Variants in RAB14 observed in about 807,000 individuals in gnomAD.
RAB14 encodes ras-related protein Rab-14.
RAB14 carries 3 observed loss-of-function variants against 31.1 expected under a neutral mutation model. The ratio of observed to expected loss-of-function variants is 0.10; its 90% CI spans 0.04 to 0.25. The LOEUF (loss-of-function observed/expected upper bound fraction) is 0.25, where lower values mean the gene tolerates loss of function less well. RAB14 is among the 10% of genes least tolerant of loss of function. The pLI is 1.00. For missense variants in RAB14, 111 were observed against 260.1 expected (o/e 0.43, Z 3.94); for synonymous variants, 85 against 84.9 (o/e 1.00, Z 0.00).
rs1328695680 is a variant in RAB14 at position 121,183,339 on chromosome 9, T to G, written c.411A>C (p.Glu137Asp). The G allele has an allele frequency of 6.2e-7, 1 of 1,610,968 alleles. No homozygotes were observed. Among genetic ancestry groups the G allele is most frequent in the African/African-American group, 1.3e-5 (1 of 74,870 alleles). ...TTTCTTCAGCAAACTGTTTGGCTTCTTCATATGTAACATCTCTCTGTGCCT... is the reference window on the plus strand; with the variant it reads ...TTTCTTCAGCAAACTGTTTGGCTTCGTCATATGTAACATCTCTCTGTGCCT... ...DLEAQRDVTY[E>D]EAKQFAEENG... The change falls in exon 6 of 8, where the codon GAA becomes GAC. Residue 137 changes from glutamate to aspartate, a missense_variant. Coordinates refer to ENST00000373840, the MANE Select transcript of RAB14 (RefSeq NM_016322.4).
At position 121,183,314 on chromosome 9, in the gene RAB14, T is replaced by C; in HGVS notation, c.436A>G (p.Asn146Asp). The part of the protein sequence containing the change: ...YEEAKQFAEE[N>D]GLLFLEASAK... ...ATTAAGTCTTAAAGAAACTCACCAT[T>C]TTCTTCAGCAAACTGTTTGGCTTCT... Residue 146 changes from asparagine (N) to aspartate (D), a missense_variant, in exon 6 of 8, where the codon AAT becomes GAT. By Grantham distance (23) the Asn-to-Asp change is conservative. Transcript: ENST00000373840. 6.2e-7 allele frequency: 1 copy of C among 1,605,614 alleles called. No individual in the cohort carries two copies. The highest frequency in any genetic ancestry group is 8.5e-7 in the Non-Finnish European group (1 of 1,173,458).
intron 1 of RAB14, 91 bp from the exon 2 acceptor site, chr9:121,193,510 A>G (rs894776789): frequency 7.4e-5 from 59 of 796,820 alleles, no homozygotes; most frequent in Non-Finnish European, 1.2e-4. Context: ...GTAGAAAAGG[A>G]CACTGAATAC....
chr9:121,190,859 C>A, intron 3 of RAB14, 128 bp from the exon 4 acceptor site: 2 of 850,928 alleles, frequency 2.4e-6, no homozygotes, highest in Middle Eastern at 3.3e-4. Context: ...ACTAAAGCTA[C>A]CGCTAAAAAA....
intron 7 of RAB14, 104 bp downstream of exon 7, chr9:121,182,826 A>G (rs138399294): frequency 1.3e-6 from 1 of 778,782 alleles, no homozygotes; most frequent in East Asian, 3.1e-5. Context: ...ACATTTATAG[A>G]TAGTACTTTA....
intron 7 of RAB14, 113 bp from the exon 8 acceptor site, chr9:121,181,686 G>C (rs879332698): frequency 9.3e-6 from 6 of 646,504 alleles, no homozygotes; most frequent in Non-Finnish European, 1.5e-5. Context: ...CTTAACCACT[G>C]TCATCTAATA....
chr9:121,181,217 C>A lies in RAB14; in HGVS notation c.*179G>T. The A allele has an allele frequency of 1.8e-6, 1 of 560,644 alleles. No individual in the cohort carries two copies. The highest frequency in any genetic ancestry group is 2.8e-6 in the Non-Finnish European group (1 of 355,146). The allele number at this position is 560,644 out of a possible 1,614,324, so 34.7% of individuals were successfully genotyped here. A position where few individuals can be genotyped will look rare whatever the true frequency, so the allele number is the denominator to read the frequency against. Reference sequence around the variant, plus strand: ...TATTACTCTACTTGCCTTTGATAACCTGATTACATCTAGTTGTTTAGCAGT... The same window carrying A: ...TATTACTCTACTTGCCTTTGATAACATGATTACATCTAGTTGTTTAGCAGT... On this transcript the variant is annotated 3_prime_UTR_variant, in exon 8 of 8. Coordinates refer to ENST00000373840, the MANE Select transcript of RAB14 (RefSeq NM_016322.4).
intron 2 of RAB14, among the ~76,000 whole-genome samples, chr9:121,192,652 G>A (rs181964871): frequency 5.1e-4 from 78 of 152,088 alleles, no homozygotes; most frequent in South Asian, 2.3e-3. Flanking sequence ...TGATTCACTA[G>A]GTCCCTGTCT....
At chr9:121,184,527 T>C (rs1588367319) in intron 5 of RAB14, among the ~76,000 whole-genome samples, 1 of 152,192 alleles carries the variant, frequency 6.6e-6, no homozygotes, top group Non-Finnish European at 1.5e-5. Context: ...CAAACAGATA[T>C]GGTAATCTAG....
chr9:121,179,734 TTTAACA>T lies in RAB14; in HGVS notation c.*1656_*1661del, dbSNP rs1255643538. 4.6e-5 allele frequency: 7 copies of T among 152,680 alleles called. No homozygotes were observed. The highest frequency in any genetic ancestry group is 4.6e-4 in the Admixed American group (7 of 15,286). 9.5% of individuals were successfully genotyped at this position (152,680 alleles called of 1,614,324 possible). ...CTGCACATTCCAGTTTTGGCTTTTA[TTTAACA>T]TTGACTATACAATACTCTGGTACTA... On this transcript the variant is annotated 3_prime_UTR_variant, in exon 8 of 8. Transcript: ENST00000373840.
At position 121,178,283 on chromosome 9, in the gene RAB14, CTT is replaced by C. The variant is rs2053608519; in HGVS notation, c.*3111_*3112del. 1 of 152,150 alleles carries C rather than the reference CTT, an allele frequency of 6.6e-6. No individual in the cohort carries two copies. The highest frequency in any genetic ancestry group is 6.5e-5 in the Admixed American group (1 of 15,274). The allele number at this position is 152,150 out of a possible 1,614,324, so 9.4% of individuals were successfully genotyped here. A position where few individuals can be genotyped will look rare whatever the true frequency, so the allele number is the denominator to read the frequency against. ...CTAGAAGGCATCTTTCAAAACAAAA[CTT>C]GATTTCTTTTGTATTTACATTTTTT... On this transcript the variant is annotated 3_prime_UTR_variant, in exon 8 of 8. Transcript: ENST00000373840.
At chr9:121,199,122 A>G (rs1171884289) in intron 1 of RAB14, among the ~76,000 whole-genome samples, 1 of 152,170 alleles carries the variant, frequency 6.6e-6, no homozygotes. Flanking sequence ...AACAACCAAA[A>G]AGCCAAAAAA....
chr9:121,190,191 C>T (rs148365747), intron 4 of RAB14, among the ~76,000 whole-genome samples: 2 of 152,212 alleles, frequency 1.3e-5, no homozygotes, highest in East Asian at 3.9e-4. Flanking sequence ...TAAACTTTAA[C>T]ACTAGAGACT....
Position 121,179,094 on chromosome 9 carries a change from G to A in RAB14, c.*2302C>T, listed in dbSNP as rs1047757699. 6.6e-6 allele frequency: 1 copy of A among 152,206 alleles called. No homozygotes were observed. Among genetic ancestry groups the A allele is most frequent in the Admixed American group, 6.5e-5 (1 of 15,276 alleles). The allele number at this position is 152,206 out of a possible 1,614,324, so 9.4% of individuals were successfully genotyped here. ...GATCTTACACTGAAAAGGGTTGACTGAAAACATTTCAAGGGTAATGTAAAC... is the reference window on the plus strand; with the variant it reads ...GATCTTACACTGAAAAGGGTTGACTAAAAACATTTCAAGGGTAATGTAAAC... On this transcript the variant is annotated 3_prime_UTR_variant, in exon 8 of 8. Transcript: ENST00000373840.
chr9:121,181,861 C>T (rs939740951), intron 7 of RAB14, among the ~76,000 whole-genome samples: 3 of 148,108 alleles, frequency 2.0e-5, no homozygotes, highest in African/African-American at 7.4e-5. Context: ...GATTCTCCTG[C>T]TTCAGCCTCC....
Position 121,178,235 on chromosome 9 carries a change from A to G in RAB14, c.*3161T>C, listed in dbSNP as rs1378883177. ...TTACAATAAAGACAATGAAAGTGAC[A>G]ATTTATTAATACACAGTAAGTTCTA... On this transcript the variant is annotated 3_prime_UTR_variant, in exon 8 of 8. Coordinates refer to ENST00000373840, the MANE Select transcript of RAB14 (RefSeq NM_016322.4). 1 of 149,726 alleles carries G rather than the reference A, an allele frequency of 6.7e-6. No homozygotes were observed. The highest frequency in any genetic ancestry group is 1.5e-5 in the Non-Finnish European group (1 of 67,998). The allele number at this position is 149,726 out of a possible 1,614,324, so 9.3% of individuals were successfully genotyped here.
intron 1 of RAB14, among the ~76,000 whole-genome samples, chr9:121,194,762 G>T (rs2053705943): frequency 6.6e-6 from 1 of 152,076 alleles, no homozygotes; most frequent in Admixed American, 6.6e-5. Flanking sequence ...TCAAGCAAAA[G>T]TTCTATATAA....
At chr9:121,184,749 C>T (rs2053650561) in intron 5 of RAB14, among the ~76,000 whole-genome samples, 1 of 152,038 alleles carries the variant, frequency 6.6e-6, no homozygotes, top group South Asian at 2.1e-4. Context: ...GGACAAAGTG[C>T]CCACTGTGAA....
chr9:121,191,785 A>T (rs1226308472), intron 3 of RAB14, among the ~76,000 whole-genome samples: 1 of 152,192 alleles, frequency 6.6e-6, no homozygotes, highest in African/African-American at 2.4e-5. Context: ...CCCAAGAAAG[A>T]GTAGAAAGAA....
chr9:121,192,704 T>A (rs2053693707), intron 2 of RAB14, among the ~76,000 whole-genome samples: 2 of 152,104 alleles, frequency 1.3e-5, no homozygotes, highest in African/African-American at 4.8e-5. Context: ...GAATTTGCAT[T>A]ACATGAAAAC....
Sources: allele counts gnomAD v4.1 joint callset (sites outside exome capture counted in the v4.1 genomes callset), GRCh38; gene constraint gnomAD v4.1.1; transcripts MANE v1.5; gene names NCBI Gene and HGNC (gene_info 2026-07-23, HGNC 2026-07-21).